The following HERC3 variants were observed in gnomAD, a reference collection of about 807,000 sequenced individuals.
The protein encoded by HERC3 is probable E3 ubiquitin-protein ligase HERC3.
In HERC3, 58 loss-of-function variants were observed where a neutral mutation model predicts 129.9. The ratio of observed to expected loss-of-function variants is 0.45; its 90% CI spans 0.36 to 0.56. The LOEUF (loss-of-function observed/expected upper bound fraction) is 0.56. Among genes scored for constraint, HERC3 ranks in the 20% least tolerant of loss-of-function variants. The probability of loss-of-function intolerance (pLI) is 0.00; values close to 1 mark genes in which losing one functional copy is unlikely to be tolerated. For synonymous variants in HERC3, 430 were observed against 451.0 expected, an observed-to-expected ratio of 0.95 and a Z score of 0.59; for missense variants, 835 against 1,244.2, an observed-to-expected ratio of 0.67 and a Z score of 4.95.
At position 88,680,105 on chromosome 4, in the gene HERC3, G is replaced by A. The variant is rs1394935697; in HGVS notation, c.2209G>A (p.Gly737Ser). 1 of 1,610,082 alleles carries A rather than the reference G, an allele frequency of 6.2e-7. No individual in the cohort carries two copies. Among genetic ancestry groups the A allele is most frequent in the Non-Finnish European group, 8.5e-7 (1 of 1,178,690 alleles). Residue 737 changes from glycine to serine, a missense_variant, in exon 20 of 26, where the codon GGT becomes AGT. Physicochemically the swap from Gly to Ser is moderately conservative, Grantham distance 56 (BLOSUM62 0). Transcript: ENST00000402738. ...CTATTATTTTAAGGTAATCTTTGAT[G>A]GTGAAGAAGCAGTGGATGCCGGTGG... ...LKKPLKVIFD[G>S]EEAVDAGGVT...
intron 16 of HERC3, among the ~76,000 whole-genome samples, chr4:88,672,242 C>T (rs561596999): frequency 1.3e-5 from 2 of 152,270 alleles, no homozygotes; most frequent in African/African-American, 4.8e-5. Flanking sequence ...TGACAGTAGT[C>T]TCTGAGTAGA....
chr4:88,611,848 T>A (rs964561892), intron 3 of HERC3, among the ~76,000 whole-genome samples: 12 of 152,234 alleles, frequency 7.9e-5, no homozygotes, highest in African/African-American at 2.9e-4. Context: ...AGCACTAGTC[T>A]GGAGGAGAAT....
the HERC3 span, among the ~76,000 whole-genome samples, chr4:88,535,838 T>C: frequency 6.6e-6 from 1 of 152,188 alleles, no homozygotes; most frequent in Non-Finnish European, 1.5e-5. Context: ...GGAGGACATA[T>C]TCAAACCACA....
chr4:88,639,526 G>T (rs1338400484), intron 3 of HERC3, among the ~76,000 whole-genome samples: 1 of 152,158 alleles, frequency 6.6e-6, no homozygotes, highest in Non-Finnish European at 1.5e-5. Flanking sequence ...GGGAAAACTG[G>T]CTAGCATCTA....
chr4:88,653,227 G>T, intron 6 of HERC3, 137 bp downstream of exon 6: 1 of 823,534 alleles, frequency 1.2e-6, no homozygotes, highest in South Asian at 1.7e-5. Context: ...GAACATCCTC[G>T]TCTTAGTGGA....
chr4:88,667,476 G>T lies in HERC3; in HGVS notation c.1431G>T (p.Met477Ile). The change falls in exon 13 of 26, where the codon ATG becomes ATT. Residue 477 changes from methionine (M) to isoleucine (I), a missense_variant. Met to Ile is a conservative substitution (Grantham distance 10). Coordinates refer to ENST00000402738, the MANE Select transcript of HERC3 (RefSeq NM_014606.3). Reference sequence around the variant, plus strand: ...AGTTAATGAACTCTCAGCACTCCATGATTCTAGAACAGGTATGTTTCTATA... The same window carrying T: ...AGTTAATGAACTCTCAGCACTCCATTATTCTAGAACAGGTATGTTTCTATA... ...FEKLMNSQHS[M>I]ILEQILNSFE... The T allele has an allele frequency of 6.3e-7, 1 of 1,582,742 alleles. No homozygotes were observed. The highest frequency in any genetic ancestry group is 1.1e-5 in the South Asian group (1 of 89,044).
At chr4:88,659,816 A>G (rs1181019775) in intron 10 of HERC3, among the ~76,000 whole-genome samples, 3 of 152,222 alleles carry the variant, frequency 2.0e-5, no homozygotes, top group Admixed American at 6.5e-5. Context: ...GAAATTTAAC[A>G]TGAAATTTAG....
At chr4:88,579,745 A>C in the HERC3 span, among the ~76,000 whole-genome samples, 1 of 152,212 alleles carries the variant, frequency 6.6e-6, no homozygotes, top group South Asian at 2.1e-4. Flanking sequence ...ATGTTTTTTT[A>C]AATGCAAATA....
intron 4 of HERC3, among the ~76,000 whole-genome samples, chr4:88,651,162 A>G (rs575226066): frequency 6.6e-6 from 1 of 152,250 alleles, no homozygotes; most frequent in South Asian, 2.1e-4. Flanking sequence ...TGGCAAAAAT[A>G]TTTCATTTGT....
chr4:88,543,246 G>A, the HERC3 span, among the ~76,000 whole-genome samples: 1 of 152,120 alleles, frequency 6.6e-6, no homozygotes, highest in Non-Finnish European at 1.5e-5. Context: ...AAAGTCTCAA[G>A]ATACAAAATC....
chr4:88,687,768 G>T (rs1311631763), intron 23 of HERC3, among the ~76,000 whole-genome samples: 3 of 152,128 alleles, frequency 2.0e-5, no homozygotes, highest in African/African-American at 7.2e-5. Context: ...ATTTTATAAA[G>T]GTGCTTACTA....
the HERC3 span, among the ~76,000 whole-genome samples, chr4:88,581,289 CTTATTA>C: frequency 6.6e-6 from 1 of 150,752 alleles, no homozygotes; most frequent in African/African-American, 2.4e-5. Flanking sequence ...TATTTATTTA[CTTATTA>C]TTATTATTAT....
chr4:88,558,790 C>T, the HERC3 span, among the ~76,000 whole-genome samples: 6 of 150,440 alleles, frequency 4.0e-5, no homozygotes, highest in Non-Finnish European at 7.4e-5. Flanking sequence ...GGTGAAACCC[C>T]GTCTCTACTA....
At chr4:88,683,094 TG>T (rs1198695321) in intron 21 of HERC3, among the ~76,000 whole-genome samples, 3 of 152,230 alleles carry the variant, frequency 2.0e-5, no homozygotes, top group Non-Finnish European at 4.4e-5. Flanking sequence ...CATTTTTTCA[TG>T]TGTCTTTTGG....
At chr4:88,603,983 A>C (rs1723321360) in intron 2 of HERC3, among the ~76,000 whole-genome samples, 1 of 152,250 alleles carries the variant, frequency 6.6e-6, no homozygotes, top group African/African-American at 2.4e-5. Context: ...GACAATTAAA[A>C]AATCTTTACT....
At chr4:88,678,443 C>T (rs1381523047) in intron 19 of HERC3, among the ~76,000 whole-genome samples, 1 of 152,068 alleles carries the variant, frequency 6.6e-6, no homozygotes, top group Non-Finnish European at 1.5e-5. Context: ...GACTAATTAC[C>T]ACTATTAAGC....
intron 23 of HERC3, among the ~76,000 whole-genome samples, chr4:88,703,112 C>T (rs1735470021): frequency 6.6e-6 from 1 of 152,164 alleles, no homozygotes; most frequent in Non-Finnish European, 1.5e-5. Context: ...AATTTTTGTT[C>T]CTACTTCCAA....
chr4:88,604,047 T>G (rs942741452), intron 2 of HERC3, among the ~76,000 whole-genome samples: 3 of 151,958 alleles, frequency 2.0e-5, no homozygotes, highest in Non-Finnish European at 4.4e-5. Flanking sequence ...TGATACTGAA[T>G]TTTGCTCTTA....
the HERC3 span, among the ~76,000 whole-genome samples, chr4:88,579,695 T>G: frequency 1.3e-5 from 2 of 152,166 alleles, no homozygotes; most frequent in African/African-American, 4.8e-5. Context: ...TATCCCCCTC[T>G]GCCAAGATAT....
Sources: allele counts gnomAD v4.1 joint callset (sites outside exome capture counted in the v4.1 genomes callset), GRCh38; gene constraint gnomAD v4.1.1; transcripts MANE v1.5; gene names NCBI Gene and HGNC (gene_info 2026-07-23, HGNC 2026-07-21).